Variants in CDH18 observed in about 807,000 individuals in gnomAD.
The protein encoded by CDH18 is cadherin 18.
In CDH18, 31 loss-of-function variants were observed where a neutral mutation model predicts 67.9. That is an observed-to-expected ratio of 0.46 (90% CI 0.34 to 0.62). The LOEUF is 0.62. Among genes scored for constraint, CDH18 ranks in the 20% least tolerant of loss-of-function variants. The pLI, the probability that CDH18 is intolerant of heterozygous loss-of-function variation, is 0.01. For synonymous variants in CDH18, 362 were observed against 347.2 expected (o/e 1.04, Z -0.48); for missense variants, 890 against 975.5 (o/e 0.91, Z 1.17).
chr5:20,544,759 A>G (rs1358840411), intron 1 of CDH18, among the ~76,000 whole-genome samples: 1 of 152,160 alleles, frequency 6.6e-6, no homozygotes, highest in African/African-American at 2.4e-5. Flanking sequence ...CACAGAGGCA[A>G]ACCATATCAT....
intron 2 of CDH18, among the ~76,000 whole-genome samples, chr5:20,215,435 A>AATAC (rs111698481): frequency 2.4e-5 from 2 of 84,860 alleles, no homozygotes; most frequent in Non-Finnish European, 4.5e-5. Flanking sequence ...CCATCCAAAA[A>AATAC]ATAAATAAAT....
At position 19,472,214 on chromosome 5, in the gene CDH18, A is replaced by G. The variant is rs1737708169; in HGVS notation, c.*1012T>C. On this transcript the variant is annotated 3_prime_UTR_variant, in exon 13 of 13. Transcript: ENST00000382275. ...GGATAGTCTTTCAGACTACATTGTT[A>G]TTGTGTGAGGTACTTATTTTTAATT... Among the ~76,000 whole-genome samples, 1 of 152,136 alleles carries G rather than the reference A, an allele frequency of 6.6e-6. No individual in the cohort carries two copies. Among genetic ancestry groups the G allele is most frequent in the Non-Finnish European group, 1.5e-5 (1 of 68,000 alleles).
chr5:19,623,303 T>C (rs191140054), intron 5 of CDH18, among the ~76,000 whole-genome samples: 39 of 152,280 alleles, frequency 2.6e-4, no homozygotes, highest in African/African-American at 9.4e-4. Context: ...TATAAAGAAT[T>C]TTAGCATCAG....
At chr5:19,932,735 C>CT (rs368243791) in intron 2 of CDH18, among the ~76,000 whole-genome samples, 18 of 151,552 alleles carry the variant, frequency 1.2e-4, no homozygotes, top group African/African-American at 4.3e-4. Context: ...TCCTGTCTGC[C>CT]TTTTTTTCTT....
At chr5:19,984,259 A>G (rs1370635833) in intron 1 of CDH18, among the ~76,000 whole-genome samples, 1 of 149,706 alleles carries the variant, frequency 6.7e-6, no homozygotes, top group Non-Finnish European at 1.5e-5. Context: ...TAATCTATTC[A>G]TTGAAAAATT....
At chr5:19,726,804 T>C (rs1263050166) in intron 4 of CDH18, among the ~76,000 whole-genome samples, 3 of 152,212 alleles carry the variant, frequency 2.0e-5, no homozygotes, top group Non-Finnish European at 4.4e-5. Flanking sequence ...AATTCATATG[T>C]TGAAATCCTA....
At chr5:19,611,898 ACT>A (rs1749018786) in intron 6 of CDH18, among the ~76,000 whole-genome samples, 1 of 147,680 alleles carries the variant, frequency 6.8e-6, no homozygotes, top group Non-Finnish European at 1.5e-5. Context: ...CTTATATTTT[ACT>A]CTGAGACCTC....
At chr5:20,240,380 T>C (rs1329165552) in intron 2 of CDH18, among the ~76,000 whole-genome samples, 2 of 152,162 alleles carry the variant, frequency 1.3e-5, no homozygotes, top group African/African-American at 4.8e-5. Flanking sequence ...TAGTTTTTTA[T>C]AGGCTGAAAA....
At chr5:20,387,911 T>A (rs1472045756) in intron 1 of CDH18, among the ~76,000 whole-genome samples, 1 of 152,214 alleles carries the variant, frequency 6.6e-6, no homozygotes, top group Non-Finnish European at 1.5e-5. Flanking sequence ...ATCCCAGGGA[T>A]GAAGCCCACT....
At chr5:19,592,449 A>C (rs2150031156) in intron 6 of CDH18, among the ~76,000 whole-genome samples, 1 of 152,198 alleles carries the variant, frequency 6.6e-6, no homozygotes, top group South Asian at 2.1e-4. Flanking sequence ...AAATAACAGA[A>C]GCCCAGGAAT....
chr5:20,045,714 C>T (rs1580115088), intron 2 of CDH18, among the ~76,000 whole-genome samples: 1 of 152,052 alleles, frequency 6.6e-6, no homozygotes, highest in African/African-American at 2.4e-5. Context: ...TTAAGATCCT[C>T]TCACCTGAGA....
intron 2 of CDH18, among the ~76,000 whole-genome samples, chr5:20,196,769 G>A (rs1484209216): frequency 6.6e-6 from 1 of 152,128 alleles, no homozygotes; most frequent in Admixed American, 6.5e-5. Context: ...GTTCTTCCAT[G>A]ATTTGAAGCA....
rs191200346 is a variant in CDH18, at chr5:20,443,102, T to C, written c.-580+132360A>G. Reference sequence around the variant, plus strand: ...GCGGGCGCCTGTAGTCCCAGCTACTTGGGAGGCTGAGGAAGGAGAATGGCG... The same window carrying C: ...GCGGGCGCCTGTAGTCCCAGCTACTCGGGAGGCTGAGGAAGGAGAATGGCG... On this transcript the variant is annotated intron_variant, in intron 1 of 14. Transcript: ENST00000507958. 3.2e-3 allele frequency among the ~76,000 whole-genome samples: 453 copies of C among 141,514 alleles called. 5 individuals are homozygous for C. Among genetic ancestry groups the C allele is most frequent in the Admixed American group, 5.2e-3 (70 of 13,402 alleles). The allele number at this position is 141,514 out of a possible 152,430, so 92.8% of individuals were successfully genotyped here.
Position 20,352,255 on chromosome 5 carries a change from CATG to C in CDH18, c.-579-96753_-579-96751del, listed in dbSNP as rs367838224. The stretch of plus-strand genomic sequence containing the variant: ...TGAAGACGAAGAGAATGGAGACCTC[CATG>C]ATGATGACTTCCACTTAATGAATAG... On this transcript the variant is annotated intron_variant, in intron 1 of 14. Coordinates refer to the CDH18 transcript ENST00000507958. Among the ~76,000 whole-genome samples the C allele has an allele frequency of 1.3e-3, 197 of 152,264 alleles. 1 individual carries two copies. Among genetic ancestry groups the C allele is most frequent in the African/African-American group, 4.5e-3 (185 of 41,560 alleles).
chr5:20,575,456 C>G (rs1759065054), intron 1 of CDH18: 1 of 152,092 alleles, frequency 6.6e-6, no homozygotes, highest in African/African-American at 2.4e-5. Flanking sequence ...AATTGCATTT[C>G]CTTACCTGGA....
intron 5 of CDH18, among the ~76,000 whole-genome samples, chr5:19,637,617 T>A (rs1398957933): frequency 1.3e-5 from 2 of 152,218 alleles, no homozygotes; most frequent in African/African-American, 2.4e-5. Context: ...GCTCGAATCC[T>A]CTGTCGTCAA....
intron 1 of CDH18, among the ~76,000 whole-genome samples, chr5:20,501,502 T>TTATATAC (rs1754259808): frequency 1.1e-4 from 4 of 35,498 alleles, no homozygotes; most frequent in East Asian, 1.1e-3. Flanking sequence ...TTTATATACA[T>TTATATAC]ATTTTATATA....
intron 5 of CDH18, among the ~76,000 whole-genome samples, chr5:19,702,256 C>A (rs1469517223): frequency 6.8e-6 from 1 of 147,810 alleles, no homozygotes; most frequent in African/African-American, 2.5e-5. Context: ...TCAAGCGATT[C>A]TCCTGCCTCA....
chr5:20,566,191 T>C (rs1435738007), intron 1 of CDH18, among the ~76,000 whole-genome samples: 1 of 152,006 alleles, frequency 6.6e-6, no homozygotes, highest in African/African-American at 2.4e-5. Context: ...GGTGATTTAC[T>C]CTGGATCATC....
Sources: gnomAD v4.1 joint callset for allele counts (sites outside exome capture counted in the v4.1 genomes callset) on GRCh38, gnomAD v4.1.1 for gene constraint, MANE v1.5 for transcripts, NCBI Gene and HGNC (gene_info 2026-07-23, HGNC 2026-07-21) for gene names.